Variants in METTL15 observed in about 807,000 individuals in gnomAD.
The protein encoded by METTL15 is methyltransferase 15, mitochondrial 12S rRNA N4-cytidine, also known as 12S rRNA N(4)-cytidine methyltransferase METTL15.
Under a neutral mutation model 38.3 loss-of-function variants are expected in METTL15, and 34 were observed. That is an observed-to-expected ratio of 0.89 (90% CI 0.68 to 1.18). The LOEUF is 1.18. Ranked by LOEUF, METTL15 falls within the 50% of genes most tolerant of loss-of-function variation. The pLI is 0.00. For synonymous variants in METTL15, 162 were observed against 170.9 expected (o/e 0.95, Z 0.41); for missense variants, 438 against 498.4 (o/e 0.88, Z 1.15).
chr11:28,449,632 T>C (rs755458022), intron 6 of METTL15, among the ~76,000 whole-genome samples: 5 of 152,102 alleles, frequency 3.3e-5, no homozygotes, highest in Non-Finnish European at 7.4e-5. Context: ...CACTTTCAAG[T>C]CACAGGCTAG....
intron 4 of METTL15, among the ~76,000 whole-genome samples, chr11:28,266,902 A>T (rs749027669): frequency 1.9e-4 from 29 of 152,100 alleles, no homozygotes; most frequent in Non-Finnish European, 4.1e-4. Flanking sequence ...GCTCATGCCT[A>T]TAATCCCAGC....
At chr11:28,411,830 G>A (rs1399412241) in intron 5 of METTL15, among the ~76,000 whole-genome samples, 1 of 151,964 alleles carries the variant, frequency 6.6e-6, no homozygotes, top group Non-Finnish European at 1.5e-5. Context: ...AATAATAATT[G>A]CAAGCCACTT....
chr11:28,124,346 C>G (rs1852380195), intron 3 of METTL15, among the ~76,000 whole-genome samples: 1 of 152,066 alleles, frequency 6.6e-6, no homozygotes, highest in Non-Finnish European at 1.5e-5. Flanking sequence ...TGACTATGCC[C>G]AAGCTCAGTC....
intron 6 of METTL15, among the ~76,000 whole-genome samples, chr11:28,466,879 C>A (rs148069553): frequency 6.6e-6 from 1 of 152,076 alleles, no homozygotes; most frequent in Admixed American, 6.6e-5. Context: ...ACATGTAGAG[C>A]CTTCAGTCTG....
At chr11:28,315,899 G>A (rs1857463471) in intron 6 of METTL15, among the ~76,000 whole-genome samples, 1 of 152,210 alleles carries the variant, frequency 6.6e-6, no homozygotes, top group Non-Finnish European at 1.5e-5. Context: ...CAAGAATTGG[G>A]GTTTGGGAAC....
At chr11:28,393,229 C>T (rs2133395812) in intron 5 of METTL15, among the ~76,000 whole-genome samples, 1 of 152,174 alleles carries the variant, frequency 6.6e-6, no homozygotes, top group Non-Finnish European at 1.5e-5. Flanking sequence ...CACACTCTTG[C>T]TCATTGCAGC....
At chr11:28,266,917 T>A (rs185853021) in intron 4 of METTL15, among the ~76,000 whole-genome samples, 106 of 152,268 alleles carry the variant, frequency 7.0e-4, no homozygotes, top group Non-Finnish European at 1.3e-3. Flanking sequence ...CCCAGCACTT[T>A]GGGAGGCCAA....
rs1340418379 is a variant in METTL15, at chr11:28,430,901, TG to T, written c.*424+6544del. On this transcript the variant is annotated intron_variant and NMD_transcript_variant, in intron 6 of 7. Coordinates refer to the METTL15 transcript ENST00000532947. ...CCAGCCGCCCCGTCCGGGAGGGAGG[TG>T]GGGGGGTCAGCCCCCCGCCCGGCCA... Among the ~76,000 whole-genome samples the T allele has an allele frequency of 7.4e-4, 37 of 50,030 alleles. No individual in the cohort carries two copies. In the East Asian group the frequency reaches 0.017, roughly 23 times the overall value. 32.8% of individuals were successfully genotyped at this position (50,030 alleles called of 152,430 possible).
At chr11:28,459,468 A>C (rs1331252713) in intron 6 of METTL15, among the ~76,000 whole-genome samples, 2 of 152,196 alleles carry the variant, frequency 1.3e-5, no homozygotes, top group African/African-American at 2.4e-5. Context: ...TCATAGTGCC[A>C]TCTTACCTTG....
Position 28,331,607 on chromosome 11 carries a change from A to G in METTL15, c.*766A>G, listed in dbSNP as rs1849817511. The G allele has an allele frequency of 6.6e-6, 1 of 151,406 alleles. No homozygotes were observed. The highest frequency in any genetic ancestry group is 2.4e-5 in the African/African-American group (1 of 41,352). The allele number at this position is 151,406 out of a possible 1,614,324, so 9.4% of individuals were successfully genotyped here. A position where few individuals can be genotyped will look rare whatever the true frequency, so the allele number is the denominator to read the frequency against. On this transcript the variant is annotated 3_prime_UTR_variant, in exon 7 of 7. Coordinates refer to ENST00000407364, the MANE Select transcript of METTL15 (RefSeq NM_001113528.2). ...TTGTATTTTTTAATTGAGCTAATCAAAATAATTCAGCCAAGTCTATTTGAA... is the reference window on the plus strand; with the variant it reads ...TTGTATTTTTTAATTGAGCTAATCAGAATAATTCAGCCAAGTCTATTTGAA...
intron 4 of METTL15, among the ~76,000 whole-genome samples, chr11:28,244,606 GACA>G (rs1854435047): frequency 6.6e-6 from 1 of 152,098 alleles, no homozygotes; most frequent in East Asian, 1.9e-4. Flanking sequence ...AGGTTATTCT[GACA>G]TATGTCCAGG....
At chr11:28,197,583 G>C in intron 3 of METTL15, 1 of 422,178 alleles carries the variant, frequency 2.4e-6, no homozygotes, top group Non-Finnish European at 4.9e-6. Context: ...ATTTCCTGGT[G>C]GTATAGTATG....
intron 6 of METTL15, among the ~76,000 whole-genome samples, chr11:28,464,580 C>T (rs963313658): frequency 6.6e-6 from 1 of 152,172 alleles, no homozygotes; most frequent in African/African-American, 2.4e-5. Context: ...TCCAGGGAAC[C>T]TTTTGAAAAC....
intron 6 of METTL15, among the ~76,000 whole-genome samples, chr11:28,455,216 C>CTTTTTTT (rs34686157): frequency 1.2e-5 from 1 of 85,834 alleles, no homozygotes; most frequent in African/African-American, 4.4e-5. Flanking sequence ...GATCAGCTAG[C>CTTTTTTT]TTTTTTTTTT....
At chr11:28,279,916 A>C (rs933915335) in intron 4 of METTL15, among the ~76,000 whole-genome samples, 2 of 106,182 alleles carry the variant, frequency 1.9e-5, no homozygotes, top group African/African-American at 6.4e-5. Context: ...AAACAAAACA[A>C]AAAAAAAAAA....
At chr11:28,369,290 G>A (rs1033839481) in intron 5 of METTL15, among the ~76,000 whole-genome samples, 1 of 151,916 alleles carries the variant, frequency 6.6e-6, no homozygotes, top group African/African-American at 2.4e-5. Context: ...AGAAGAAAAA[G>A]CAAAGGGACT....
intron 3 of METTL15, among the ~76,000 whole-genome samples, chr11:28,139,467 C>T (rs1374208866): frequency 6.6e-6 from 1 of 152,108 alleles, no homozygotes; most frequent in Non-Finnish European, 1.5e-5. Context: ...ACCATGGGTG[C>T]CAATGTGGCT....
rs10696048 is a variant in METTL15, at chr11:28,194,192, CCT to C, written c.271-16851_271-16850del. On this transcript the variant is annotated intron_variant, in intron 3 of 6. Transcript: ENST00000407364. ...TCTTTCTTTTTCTCTCTCTCTCTCT[CCT>C]CTCTCTCTCTCTCTCTCTTAATATA... is the stretch of plus-strand genomic sequence containing the variant. 2.1e-3 allele frequency among the ~76,000 whole-genome samples: 265 copies of C among 125,112 alleles called. 1 individual carries two copies. Among genetic ancestry groups the C allele is most frequent in the African/African-American group, 4.1e-3 (134 of 32,620 alleles). The allele number at this position is 125,112 out of a possible 152,430, so 82.1% of individuals were successfully genotyped here. A position where few individuals can be genotyped will look rare whatever the true frequency, so the allele number is the denominator to read the frequency against.
intron 5 of METTL15, among the ~76,000 whole-genome samples, chr11:28,369,772 G>T (rs1214865519): frequency 6.6e-6 from 1 of 152,098 alleles, no homozygotes; most frequent in East Asian, 1.9e-4. Flanking sequence ...GACCTGCCTT[G>T]CAAGAAGTGC....
Sources: gnomAD v4.1 joint callset for allele counts (sites outside exome capture counted in the v4.1 genomes callset) on GRCh38, gnomAD v4.1.1 for gene constraint, MANE v1.5 for transcripts, NCBI Gene and HGNC (gene_info 2026-07-23, HGNC 2026-07-21) for gene names.